Variants in PCDHGB2 observed in about 807,000 individuals in gnomAD.
PCDHGB2 encodes protocadherin gamma subfamily B, 2, also known as protocadherin gamma-B2.
PCDHGB2 carries 55 observed loss-of-function variants against 59.3 expected under a neutral mutation model. The ratio of observed to expected loss-of-function variants is 0.93; its 90% CI spans 0.75 to 1.16. The LOEUF (loss-of-function observed/expected upper bound fraction) is 1.16. Ranked by LOEUF, PCDHGB2 falls within the 50% of genes most tolerant of loss-of-function variation. The pLI is 0.00. For synonymous variants in PCDHGB2, 516 were observed against 512.0 expected (o/e 1.01, Z -0.11); for missense variants, 1,228 against 1,198.5 (o/e 1.02, Z -0.36).
At position 141,379,535 on chromosome 5, in the gene PCDHGB2, G is replaced by A. The variant is rs1035667412; in HGVS notation, c.2421+16979G>A. On this transcript the variant is annotated intron_variant, in intron 1 of 3. Coordinates refer to ENST00000522605, the MANE Select transcript of PCDHGB2 (RefSeq NM_018923.3). ...ACATCTTGAGCATTTGTTGTTATAGGGAAAGCTCACTAACTACTTTTCATG... is the reference window on the plus strand; with the variant it reads ...ACATCTTGAGCATTTGTTGTTATAGAGAAAGCTCACTAACTACTTTTCATG... 103 of 152,098 alleles carry A rather than the reference G, an allele frequency of 6.8e-4. 1 individual carries two copies. Among genetic ancestry groups the A allele is most frequent in the African/African-American group, 2.4e-3 (101 of 41,410 alleles). 9.4% of individuals were successfully genotyped at this position (152,098 alleles called of 1,614,324 possible).
At chr5:141,365,876 G>A (rs1764179173) in intron 1 of PCDHGB2, 2 of 1,614,122 alleles carry the variant, frequency 1.2e-6, no homozygotes, top group Non-Finnish European at 1.7e-6. Context: ...TGTCCTGTAT[G>A]CTCTGAGATC....
chr5:141,491,507 C>A lies in PCDHGB2; in HGVS notation c.2422-3300C>A, dbSNP rs755899622. 1.9e-6 allele frequency: 3 copies of A among 1,614,038 alleles called. No individual in the cohort carries two copies. The highest frequency in any genetic ancestry group is 1.6e-4 in the Middle Eastern group (1 of 6,062). Reference sequence around the variant, plus strand: ...AACCTGCAGGTGAGCTCGGACGGCACGCTCAAGTACATGGAGGTGACGCTG... The same window carrying A: ...AACCTGCAGGTGAGCTCGGACGGCAAGCTCAAGTACATGGAGGTGACGCTG... On this transcript the variant is annotated intron_variant, in intron 1 of 3. Transcript: ENST00000522605. The surrounding 1 kb of genome is among the most constrained non-coding windows in gnomAD (Gnocchi z 6.9).
At chr5:141,384,368 C>A (rs748304499) in intron 1 of PCDHGB2, 3 of 1,613,790 alleles carry the variant, frequency 1.9e-6, no homozygotes, top group Non-Finnish European at 2.5e-6. Flanking sequence ...ATCACTTATT[C>A]CTTGGCCGAA....
intron 1 of PCDHGB2, chr5:141,370,892 G>C: frequency 6.2e-7 from 1 of 1,613,936 alleles, no homozygotes; most frequent in Non-Finnish European, 8.5e-7. Flanking sequence ...GTGTCAATTC[G>C]CTGCAGCAGT....
intron 1 of PCDHGB2, chr5:141,415,696 G>A (rs867312295): frequency 2.9e-6 from 4 of 1,397,470 alleles, no homozygotes; most frequent in Non-Finnish European, 3.8e-6. Flanking sequence ...GGTGGAAAGT[G>A]TAAATGCTAA....
At position 141,408,734 on chromosome 5, in the gene PCDHGB2, T is replaced by C. The variant is rs376769558; in HGVS notation, c.2421+46178T>C. 1.5e-4 allele frequency: 244 copies of C among 1,610,058 alleles called. No homozygotes were observed. The highest frequency in any genetic ancestry group is 1.9e-4 in the Non-Finnish European group (226 of 1,177,812). On this transcript the variant is annotated intron_variant, in intron 1 of 3. Transcript: ENST00000522605. ...TTATAAGATAAACTCTAATCCTTAT[T>C]TTTCATTAATGGTTAGAGTTAATTC...
intron 1 of PCDHGB2, among the ~76,000 whole-genome samples, chr5:141,469,207 G>T (rs2099193654): frequency 6.6e-6 from 1 of 151,820 alleles, no homozygotes; most frequent in African/African-American, 2.4e-5. Flanking sequence ...GCCTTTTGAA[G>T]TTGAGGCTTC....
chr5:141,418,635 C>G, intron 1 of PCDHGB2: 1 of 1,614,018 alleles, frequency 6.2e-7, no homozygotes. Flanking sequence ...CCTCCAGGCA[C>G]CTCCATCCTG....
chr5:141,443,781 CA>C (rs1227271563), intron 1 of PCDHGB2, among the ~76,000 whole-genome samples: 2 of 150,514 alleles, frequency 1.3e-5, no homozygotes, highest in African/African-American at 2.4e-5. Flanking sequence ...ACCAAAAAGA[CA>C]AAAAAAATGA....
In PCDHGB2 at chr5:141,428,425, T is replaced by A. The variant is rs1193842204; in HGVS notation, c.2421+65869T>A. ...GGGTTGCTTTCACCCTGGTCTCTGT[T>A]CTAAGACTAGACCAGGGGTTTTTCC... On this transcript the variant is annotated intron_variant, in intron 1 of 3. Transcript: ENST00000522605. 4 of 436,598 alleles carry A rather than the reference T, an allele frequency of 9.2e-6. No homozygotes were observed. In the East Asian group the frequency reaches 1.9e-4, roughly 21 times the overall value. 27.0% of individuals were successfully genotyped at this position (436,598 alleles called of 1,614,324 possible). A position where few individuals can be genotyped will look rare whatever the true frequency, so the allele number is the denominator to read the frequency against.
In PCDHGB2 at chr5:141,362,449, C is replaced by G; in HGVS notation, c.2314C>G (p.Pro772Ala). 1 of 1,614,006 alleles carries G rather than the reference C, an allele frequency of 6.2e-7. No homozygotes were observed. The highest frequency in any genetic ancestry group is 8.5e-7 in the Non-Finnish European group (1 of 1,179,886). The change falls in exon 1 of 4, where the codon CCG (proline) becomes GCG (alanine). Residue 772 changes from proline to alanine, a missense_variant. Transcript: ENST00000522605. The part of the protein sequence containing the change: ...KTEFNFLNIT[P>A]ELVPAQDLVC... ...AGAGTTCAATTTTCTGAACATAACC[C>G]CGGAATTGGTTCCCGCGCAAGATCT...
rs771321011 is a variant in PCDHGB2 at position 141,371,062 on chromosome 5, G to A, written c.2421+8506G>A. On this transcript the variant is annotated intron_variant, in intron 1 of 3. Coordinates refer to ENST00000522605, the MANE Select transcript of PCDHGB2 (RefSeq NM_018923.3). ...GTGGATGGGGGCGAGCCCTCCAGAA[G>A]CTGTACCACCCAGATCAGGGTAATT... 4 of 1,613,856 alleles carry A rather than the reference G, an allele frequency of 2.5e-6. No homozygotes were observed. The highest frequency in any genetic ancestry group is 3.4e-6 in the Non-Finnish European group (4 of 1,179,884).
chr5:141,471,427 AGT>A (rs1475862025), intron 1 of PCDHGB2: 1 of 152,188 alleles, frequency 6.6e-6, no homozygotes, highest in Non-Finnish European at 1.5e-5. Flanking sequence ...TAGCAAGGAA[AGT>A]GTATAATCTC....
chr5:141,459,404 G>C (rs2098967432), intron 1 of PCDHGB2, among the ~76,000 whole-genome samples: 1 of 152,182 alleles, frequency 6.6e-6, no homozygotes, highest in Non-Finnish European at 1.5e-5. Flanking sequence ...GAGCAGTATT[G>C]CATTGTGTGG....
intron 1 of PCDHGB2, chr5:141,394,715 C>T (rs776573423): frequency 6.2e-7 from 1 of 1,613,304 alleles, no homozygotes; most frequent in African/African-American, 1.3e-5. Flanking sequence ...CCCTGCTGGA[C>T]AGAGATGCGC....
At chr5:141,458,459 A>G (rs1232004043) in intron 1 of PCDHGB2, among the ~76,000 whole-genome samples, 1 of 152,006 alleles carries the variant, frequency 6.6e-6, no homozygotes, top group African/African-American at 2.4e-5. Flanking sequence ...AATTTTTAAA[A>G]TACCGTACAA....
chr5:141,400,003 C>T, intron 1 of PCDHGB2: 5 of 1,612,396 alleles, frequency 3.1e-6, no homozygotes, highest in Non-Finnish European at 4.2e-6. Flanking sequence ...GCGCACAGCG[C>T]GTGCCTTGGG....
chr5:141,366,106 A>T, intron 1 of PCDHGB2: 1 of 1,614,224 alleles, frequency 6.2e-7, no homozygotes, highest in Non-Finnish European at 8.5e-7. Context: ...CCAAGGTGGT[A>T]GCGGTGGACA....
At chr5:141,398,819 A>C (rs571120530) in intron 1 of PCDHGB2, 1 of 1,613,994 alleles carries the variant, frequency 6.2e-7, no homozygotes, top group East Asian at 2.2e-5. Flanking sequence ...CTCCGGATCC[A>C]GGTAACCGAC....
Sources: allele counts gnomAD v4.1 joint callset (sites outside exome capture counted in the v4.1 genomes callset), GRCh38; gene constraint gnomAD v4.1.1; non-coding constraint Gnocchi (gnomAD v3.1); transcripts MANE v1.5; gene names NCBI Gene and HGNC (gene_info 2026-07-23, HGNC 2026-07-21).